The following TAFA2 variants were observed in gnomAD, a reference collection of about 807,000 sequenced individuals.
TAFA2 encodes chemokine-like protein TAFA-2.
TAFA2 carries 7 observed loss-of-function variants against 18.8 expected under a neutral mutation model. The ratio of observed to expected loss-of-function variants is 0.37; its 90% CI spans 0.21 to 0.70. The LOEUF (loss-of-function observed/expected upper bound fraction) is 0.70, where lower values mean the gene tolerates loss of function less well. Ranked by LOEUF, TAFA2 falls within the 30% of genes least tolerant of loss-of-function variation. TAFA2 has a pLI of 0.53. For synonymous variants in TAFA2, 60 were observed against 54.2 expected (o/e 1.11, Z -0.47); for missense variants, 122 against 158.1 (o/e 0.77, Z 1.23).
intron 1 of TAFA2, among the ~76,000 whole-genome samples, chr12:62,251,181 T>C (rs1388428274): frequency 6.6e-6 from 1 of 152,162 alleles, no homozygotes; most frequent in Non-Finnish European, 1.5e-5. Flanking sequence ...GCTGGAATAA[T>C]GACAACAGTA....
At chr12:61,983,323 T>C (rs1398743591) in intron 1 of TAFA2, among the ~76,000 whole-genome samples, 2 of 152,198 alleles carry the variant, frequency 1.3e-5, no homozygotes, top group Non-Finnish European at 2.9e-5. Context: ...TCTACTATTA[T>C]CACCAAACAA....
At chr12:61,738,137 A>G (rs1359423001) in intron 4 of TAFA2, among the ~76,000 whole-genome samples, 1 of 152,036 alleles carries the variant, frequency 6.6e-6, no homozygotes, top group Non-Finnish European at 1.5e-5. Flanking sequence ...GTGATTTAGT[A>G]AGAACATTAA....
chr12:61,990,327 C>T (rs1417019987), intron 1 of TAFA2, among the ~76,000 whole-genome samples: 1 of 141,752 alleles, frequency 7.1e-6, no homozygotes, highest in Non-Finnish European at 1.5e-5. Flanking sequence ...CTGAGCTAAA[C>T]ACTGTGCCAA....
intron 2 of TAFA2, among the ~76,000 whole-genome samples, chr12:61,794,369 A>C (rs1871107011): frequency 2.6e-5 from 4 of 152,058 alleles, no homozygotes; most frequent in Non-Finnish European, 5.9e-5. Context: ...TTGTATATCT[A>C]TATATAAGAA....
intron 1 of TAFA2, among the ~76,000 whole-genome samples, chr12:62,221,091 G>A (rs1421064228): frequency 1.3e-5 from 2 of 149,244 alleles, no homozygotes; most frequent in Non-Finnish European, 3.0e-5. Context: ...GCGACAGAGC[G>A]AGACTCCGTC....
intron 1 of TAFA2, among the ~76,000 whole-genome samples, chr12:62,014,960 T>C (rs1880883883): frequency 1.3e-5 from 2 of 152,176 alleles, no homozygotes; most frequent in African/African-American, 4.8e-5. Flanking sequence ...AATTCTAATA[T>C]TCTCTATTAG....
At chr12:61,877,750 A>G (rs1042113730) in intron 1 of TAFA2, among the ~76,000 whole-genome samples, 10 of 152,160 alleles carry the variant, frequency 6.6e-5, no homozygotes, top group African/African-American at 2.2e-4. Flanking sequence ...TTTAGCAAGA[A>G]TTTAACCAGT....
At chr12:62,210,002 C>A (rs149505043) in intron 1 of TAFA2, among the ~76,000 whole-genome samples, 3,351 of 152,136 alleles carry the variant, frequency 0.022, 126 homozygotes, top group African/African-American at 0.075. Flanking sequence ...AAATCGAGAC[C>A]ATCCTGGCTA....
chr12:61,770,747 C>G (rs1053685209), intron 2 of TAFA2, among the ~76,000 whole-genome samples: 4 of 152,060 alleles, frequency 2.6e-5, no homozygotes, highest in Non-Finnish European at 5.9e-5. Flanking sequence ...AATTAGAAAT[C>G]TTCAAATATA....
intron 1 of TAFA2, among the ~76,000 whole-genome samples, chr12:62,166,935 C>T (rs1472591567): frequency 6.6e-6 from 1 of 152,022 alleles, no homozygotes; most frequent in Admixed American, 6.6e-5. Context: ...TTGACAAACC[C>T]AAATGTATGT....
rs140249213 is a variant in TAFA2, at chr12:62,092,332, A to T, written c.-2+98927T>A. ...ATCTTCTATTACCCCATTTCTCTTCAACTATTTCCACCAAACCTCCTTGAA... is the reference window on the plus strand; with the variant it reads ...ATCTTCTATTACCCCATTTCTCTTCTACTATTTCCACCAAACCTCCTTGAA... On this transcript the variant is annotated intron_variant, in intron 1 of 4. Coordinates refer to ENST00000416284, the MANE Select transcript of TAFA2 (RefSeq NM_178539.5). 1.6e-3 allele frequency among the ~76,000 whole-genome samples: 237 copies of T among 151,988 alleles called. 1 individual carries two copies. Among genetic ancestry groups the T allele is most frequent in the African/African-American group, 5.5e-3 (230 of 41,512 alleles).
chr12:62,021,439 C>G, intron 1 of TAFA2: 1 of 498,216 alleles, frequency 2.0e-6, no homozygotes. Flanking sequence ...CCCTCCCACC[C>G]TTTCCCCCAA....
chr12:62,077,749 T>G (rs1438483209), intron 1 of TAFA2, among the ~76,000 whole-genome samples: 1 of 152,158 alleles, frequency 6.6e-6, no homozygotes, highest in African/African-American at 2.4e-5. Flanking sequence ...TATTATGCCA[T>G]GTACTCTCAC....
At chr12:62,219,873 T>C (rs1402699309) in intron 1 of TAFA2, among the ~76,000 whole-genome samples, 1 of 152,196 alleles carries the variant, frequency 6.6e-6, no homozygotes, top group African/African-American at 2.4e-5. Context: ...CAGAAAATAC[T>C]CAACAAGCTA....
intron 1 of TAFA2, among the ~76,000 whole-genome samples, chr12:62,218,012 T>C (rs1335529391): frequency 7.0e-6 from 1 of 143,324 alleles, no homozygotes; most frequent in African/African-American, 2.5e-5. Flanking sequence ...TTATTTATTT[T>C]TGAGACAGGG....
intron 1 of TAFA2, among the ~76,000 whole-genome samples, chr12:62,029,811 ATC>A (rs71450570): frequency 0.01 from 1,481 of 145,676 alleles, 15 homozygotes; most frequent in East Asian, 0.023. Context: ...ATGTCTTCCT[ATC>A]TCTCTCTCTC....
At chr12:62,205,165 G>C (rs2062686664) in intron 1 of TAFA2, among the ~76,000 whole-genome samples, 1 of 152,182 alleles carries the variant, frequency 6.6e-6, no homozygotes, top group Non-Finnish European at 1.5e-5. Flanking sequence ...ATCACCAGTG[G>C]AGGCTGCACA....
At chr12:61,775,493 A>G (rs1309789038) in intron 2 of TAFA2, among the ~76,000 whole-genome samples, 1 of 151,926 alleles carries the variant, frequency 6.6e-6, no homozygotes, top group Admixed American at 6.6e-5. Flanking sequence ...AGCCATGAAA[A>G]GACATGGAGA....
intron 1 of TAFA2, among the ~76,000 whole-genome samples, chr12:62,083,735 A>G (rs2136823522): frequency 6.6e-6 from 1 of 152,246 alleles, no homozygotes; most frequent in South Asian, 2.1e-4. Context: ...TTTTTTTTGT[A>G]GCAATGGCTA....
Sources: allele counts gnomAD v4.1 joint callset (sites outside exome capture counted in the v4.1 genomes callset), GRCh38; gene constraint gnomAD v4.1.1; transcripts MANE v1.5; gene names NCBI Gene and HGNC (gene_info 2026-07-23, HGNC 2026-07-21).